The following SESN1 variants were observed in gnomAD, a reference collection of about 807,000 sequenced individuals.
SESN1 encodes the protein sestrin 1.
In SESN1, 30 loss-of-function variants were observed where a neutral mutation model predicts 59.3. The observed-to-expected ratio is 0.51, with a 90% confidence interval of 0.38 to 0.69. The LOEUF is 0.69. Ranked by LOEUF, SESN1 falls within the 30% of genes least tolerant of loss-of-function variation. The probability of loss-of-function intolerance (pLI) is 0.00; values close to 1 mark genes in which losing one functional copy is unlikely to be tolerated. For missense variants in SESN1, 566 were observed against 673.0 expected, an observed-to-expected ratio of 0.84 and a Z score of 1.76; for synonymous variants, 197 against 219.9, an observed-to-expected ratio of 0.90 and a Z score of 0.92.
chr6:109,040,934 G>A (rs1754416323), intron 1 of SESN1, among the ~76,000 whole-genome samples: 1 of 151,912 alleles, frequency 6.6e-6, no homozygotes, highest in African/African-American at 2.4e-5. Flanking sequence ...TTACAGGCGT[G>A]AGCCACCGCA....
intron 1 of SESN1, among the ~76,000 whole-genome samples, chr6:109,092,665 T>C (rs1378898285): frequency 6.6e-6 from 1 of 152,214 alleles, no homozygotes; most frequent in Non-Finnish European, 1.5e-5. Context: ...GACCCCATTA[T>C]GGACAAAAAT....
At chr6:108,988,735 G>T in intron 8 of SESN1, 48 bp from the exon 9 acceptor site, 2 of 1,457,146 alleles carry the variant, frequency 1.4e-6, no homozygotes, top group Non-Finnish European at 1.9e-6. Flanking sequence ...TGTATAACCT[G>T]TTTTCATCTT....
Position 109,070,882 on chromosome 6 carries a change from T to A in SESN1, c.279+22913A>T, listed in dbSNP as rs77118862. On this transcript the variant is annotated intron_variant, in intron 1 of 9. Coordinates refer to ENST00000436639, the MANE Select transcript of SESN1 (RefSeq NM_014454.3). ...TTCCAATATCTTCCCTAAGTGATAC[T>A]GATGCTGCTGACCCATAGGCTACAC... Among the ~76,000 whole-genome samples, 1,190 of 152,330 alleles carry A rather than the reference T, an allele frequency of 7.8e-3. 21 individuals are homozygous for A. Among genetic ancestry groups the A allele is most frequent in the African/African-American group, 0.027 (1,140 of 41,560 alleles).
At chr6:109,014,778 A>G (rs1295506120) in intron 1 of SESN1, among the ~76,000 whole-genome samples, 1 of 152,066 alleles carries the variant, frequency 6.6e-6, no homozygotes, top group Non-Finnish European at 1.5e-5. Flanking sequence ...TGTTCACTAC[A>G]TATCTCATCT....
At position 109,094,297 on chromosome 6, in the gene SESN1, T is replaced by C. The variant is rs1583306651; in HGVS notation, c.-224A>G. ...GTACACGAAAGGGCAGTCTTCTTTC[T>C]GGAAAAACAAAGTTTGAAAGTTGCA... On this transcript the variant is annotated 5_prime_UTR_variant, in exon 1 of 10. Transcript: ENST00000436639. 4 of 547,814 alleles carry C rather than the reference T, an allele frequency of 7.3e-6. No homozygotes were observed. The highest frequency in any genetic ancestry group is 6.2e-5 in the East Asian group (2 of 32,390). The allele number at this position is 547,814 out of a possible 1,614,324, so 33.9% of individuals were successfully genotyped here.
intron 1 of SESN1, among the ~76,000 whole-genome samples, chr6:109,041,546 T>C (rs6899723): frequency 6.6e-6 from 1 of 152,136 alleles, no homozygotes; most frequent in African/African-American, 2.4e-5. Flanking sequence ...AGCAGGAATT[T>C]TTATATTAAT....
intron 7 of SESN1, among the ~76,000 whole-genome samples, chr6:108,992,232 G>A (rs1348516023): frequency 1.3e-5 from 2 of 152,028 alleles, no homozygotes; most frequent in Non-Finnish European, 2.9e-5. Flanking sequence ...CTGAGTAGAT[G>A]GGACCACAGG....
chr6:108,989,411 CTCTAGATCTAGAGATATATA>C (rs1390546582), intron 8 of SESN1, among the ~76,000 whole-genome samples: 2 of 148,642 alleles, frequency 1.3e-5, no homozygotes, highest in South Asian at 2.2e-4. Flanking sequence ...AGATAGATAT[CTCTAGATCTAGAGATATATA>C]TCTAGATCTA....
At chr6:109,045,666 C>T (rs1012375923) in intron 1 of SESN1, among the ~76,000 whole-genome samples, 3 of 152,170 alleles carry the variant, frequency 2.0e-5, no homozygotes, top group African/African-American at 7.2e-5. Flanking sequence ...TCTTCTACAG[C>T]GCTTACCCTG....
At chr6:109,030,546 G>A (rs904767584) in intron 1 of SESN1, among the ~76,000 whole-genome samples, 3 of 152,254 alleles carry the variant, frequency 2.0e-5, no homozygotes, top group South Asian at 4.2e-4. Context: ...GTTTAAGGAT[G>A]GGGTGGGAAT....
intron 1 of SESN1, among the ~76,000 whole-genome samples, chr6:109,062,455 A>G (rs1468272651): frequency 1.3e-5 from 2 of 152,206 alleles, no homozygotes; most frequent in East Asian, 1.9e-4. Context: ...TGACTATTCA[A>G]TTTGGCTTAC....
rs71015570 is a variant in SESN1, at chr6:109,044,311, CAAAAAAAAAAAAAAAA to C, written c.280-41984_280-41969del. 1.9e-3 allele frequency among the ~76,000 whole-genome samples: 54 copies of C among 28,452 alleles called. No homozygotes were observed. In the East Asian group the frequency reaches 0.023, roughly 12 times the overall value. 18.7% of individuals were successfully genotyped at this position (28,452 alleles called of 152,430 possible). ...TAGATGACACAGTGAGAACTTGCCT[CAAAAAAAAAAAAAAAA>C]AAAAAAAAAAAAAAAAAAAAAAGGA... On this transcript the variant is annotated intron_variant, in intron 1 of 9. Coordinates refer to ENST00000436639, the MANE Select transcript of SESN1 (RefSeq NM_014454.3).
chr6:109,056,621 T>C (rs561314466), intron 1 of SESN1, among the ~76,000 whole-genome samples: 16 of 152,282 alleles, frequency 1.1e-4, no homozygotes, highest in Admixed American at 4.6e-4. Context: ...AAGTTAAACA[T>C]TTGACTTCCC....
intron 1 of SESN1, among the ~76,000 whole-genome samples, chr6:109,086,990 G>T (rs1390018815): frequency 6.6e-6 from 1 of 152,074 alleles, no homozygotes; most frequent in East Asian, 1.9e-4. Context: ...AAATTAGCTG[G>T]GCGTGGTGGC....
intron 1 of SESN1, among the ~76,000 whole-genome samples, chr6:109,069,450 A>C (rs1780893112): frequency 6.6e-6 from 1 of 152,264 alleles, no homozygotes; most frequent in Non-Finnish European, 1.5e-5. Context: ...AAATGATTTT[A>C]ACCTAATATT....
intron 5 of SESN1, among the ~76,000 whole-genome samples, chr6:108,995,877 T>C (rs1447711278): frequency 6.6e-6 from 1 of 152,196 alleles, no homozygotes; most frequent in Non-Finnish European, 1.5e-5. Context: ...CAGGAATGCT[T>C]TTAAGACCTC....
chr6:109,045,355 C>T (rs1780411663), intron 1 of SESN1, among the ~76,000 whole-genome samples: 1 of 152,198 alleles, frequency 6.6e-6, no homozygotes, highest in African/African-American at 2.4e-5. Flanking sequence ...AGCCTATTCT[C>T]TACACTGGAG....
intron 1 of SESN1, among the ~76,000 whole-genome samples, chr6:109,045,144 T>C (rs1279665224): frequency 6.6e-6 from 1 of 152,160 alleles, no homozygotes; most frequent in Non-Finnish European, 1.5e-5. Context: ...TGCAGACACC[T>C]GCAAGTCTGT....
chr6:108,993,111 T>A (rs1003225899), intron 6 of SESN1: 3 of 485,338 alleles, frequency 6.2e-6, no homozygotes, highest in Admixed American at 4.0e-5. Flanking sequence ...AACTCATAGT[T>A]GAATTCTCTA....
Sources: allele counts gnomAD v4.1 joint callset (sites outside exome capture counted in the v4.1 genomes callset), GRCh38; gene constraint gnomAD v4.1.1; transcripts MANE v1.5; gene names NCBI Gene and HGNC (gene_info 2026-07-23, HGNC 2026-07-21).